GPC6: variants seen among roughly 807,000 people sequenced by gnomAD.
GPC6 encodes glypican-6.
Under a neutral mutation model 55.2 loss-of-function variants are expected in GPC6, and 14 were observed. That is an observed-to-expected ratio of 0.25 (90% confidence interval 0.17 to 0.40). The LOEUF (loss-of-function observed/expected upper bound fraction) is 0.40, where lower values mean the gene tolerates loss of function less well. Among genes scored for constraint, GPC6 ranks in the 10% least tolerant of loss-of-function variants. The pLI is 1.00. For missense variants in GPC6, 641 were observed against 708.5 expected (o/e 0.90, Z 1.08); for synonymous variants, 278 against 259.6 (o/e 1.07, Z -0.68).
At chr13:94,366,847 A>G (rs1030695829) in intron 6 of GPC6, among the ~76,000 whole-genome samples, 4 of 152,238 alleles carry the variant, frequency 2.6e-5, no homozygotes, top group African/African-American at 9.6e-5. Context: ...AGCATTTACC[A>G]GGGGCTAGGC....
At chr13:93,242,242 A>G (rs890181325) in intron 1 of GPC6, among the ~76,000 whole-genome samples, 11 of 152,186 alleles carry the variant, frequency 7.2e-5, no homozygotes, top group Admixed American at 3.9e-4. Flanking sequence ...GGGAGTTCCC[A>G]TGAAATGCAC....
chr13:93,270,720 C>CAAAA (rs35973627), intron 1 of GPC6, among the ~76,000 whole-genome samples: 2 of 127,986 alleles, frequency 1.6e-5, no homozygotes, highest in Non-Finnish European at 3.4e-5. Context: ...TTATTTTCCT[C>CAAAA]AAAAAAAAAA....
intron 3 of GPC6, among the ~76,000 whole-genome samples, chr13:93,907,789 A>G (rs1876751066): frequency 6.6e-6 from 1 of 152,102 alleles, no homozygotes; most frequent in Admixed American, 6.6e-5. Context: ...TTAAGAAACA[A>G]TTTGCTGTTT....
At chr13:93,307,193 A>T (rs1460772226) in intron 1 of GPC6, among the ~76,000 whole-genome samples, 1 of 152,200 alleles carries the variant, frequency 6.6e-6, no homozygotes, top group African/African-American at 2.4e-5. Flanking sequence ...ATTTTTAACA[A>T]GATGTTGCAT....
chr13:93,965,494 G>A (rs1880000715), intron 3 of GPC6, among the ~76,000 whole-genome samples: 1 of 152,090 alleles, frequency 6.6e-6, no homozygotes, highest in Non-Finnish European at 1.5e-5. Context: ...TCTTTTATTT[G>A]GGTTGACCTT....
intron 2 of GPC6, among the ~76,000 whole-genome samples, chr13:93,681,239 A>G (rs1321741176): frequency 9.2e-5 from 14 of 152,200 alleles, no homozygotes; most frequent in Admixed American, 9.2e-4. Flanking sequence ...CAATTCCAGA[A>G]GTAGAAGTTC....
chr13:94,312,340 A>T (rs1214927733), intron 6 of GPC6, among the ~76,000 whole-genome samples: 1 of 152,230 alleles, frequency 6.6e-6, no homozygotes, highest in Admixed American at 6.5e-5. Flanking sequence ...AATTGTTCTG[A>T]AACAAAATGG....
chr13:93,514,347 A>G (rs1010231535), intron 1 of GPC6, among the ~76,000 whole-genome samples: 1 of 152,142 alleles, frequency 6.6e-6, no homozygotes, highest in Non-Finnish European at 1.5e-5. Flanking sequence ...TTTGCGGTCT[A>G]TTTTACCTTT....
chr13:93,919,630 A>G (rs1877469254), intron 3 of GPC6, among the ~76,000 whole-genome samples: 1 of 152,208 alleles, frequency 6.6e-6, no homozygotes, highest in Non-Finnish European at 1.5e-5. Context: ...TGATTAATGA[A>G]CCTGGGAGTT....
intron 2 of GPC6, among the ~76,000 whole-genome samples, chr13:93,629,316 A>G (rs1391066930): frequency 6.6e-6 from 1 of 152,106 alleles, no homozygotes; most frequent in Non-Finnish European, 1.5e-5. Flanking sequence ...GTGGCCTGTT[A>G]TATCTAGTAG....
chr13:94,080,967 T>A (rs1566377187), intron 4 of GPC6, among the ~76,000 whole-genome samples: 1 of 152,166 alleles, frequency 6.6e-6, no homozygotes, highest in South Asian at 2.1e-4. Flanking sequence ...TTTAGAGTCT[T>A]CTGATGAACC....
chr13:94,318,334 C>T (rs1361857532), intron 6 of GPC6, among the ~76,000 whole-genome samples: 1 of 152,138 alleles, frequency 6.6e-6, no homozygotes, highest in African/African-American at 2.4e-5. Context: ...TGCCTGAAAC[C>T]ACCCATAGTA....
At chr13:93,537,203 G>C (rs1882096696) in intron 1 of GPC6, among the ~76,000 whole-genome samples, 1 of 152,126 alleles carries the variant, frequency 6.6e-6, no homozygotes, top group African/African-American at 2.4e-5. Flanking sequence ...ATCAGACATA[G>C]CTTAGGGACA....
In GPC6 at chr13:93,228,554, G is replaced by T. The variant is rs143469587; in HGVS notation, c.160+938G>T. 3.1e-3 allele frequency among the ~76,000 whole-genome samples: 469 copies of T among 152,294 alleles called. 4 individuals are homozygous for T. Among genetic ancestry groups the T allele is most frequent in the African/African-American group, 0.01 (435 of 41,576 alleles). ...TCCGACAACTTGCGCGGCAGTCTGGGTGCTTGTTTTCCGGCTCTTAGCTCC... is the reference window on the plus strand; with the variant it reads ...TCCGACAACTTGCGCGGCAGTCTGGTTGCTTGTTTTCCGGCTCTTAGCTCC... On this transcript the variant is annotated intron_variant, in intron 1 of 8. Transcript: ENST00000377047.
intron 3 of GPC6, among the ~76,000 whole-genome samples, chr13:93,904,454 T>G (rs1347132655): frequency 6.6e-6 from 1 of 152,198 alleles, no homozygotes; most frequent in Non-Finnish European, 1.5e-5. Flanking sequence ...TGTGCAATGA[T>G]AGCCTGTTAT....
At chr13:93,732,749 C>CAAT (rs1356470319) in intron 2 of GPC6, among the ~76,000 whole-genome samples, 10 of 151,874 alleles carry the variant, frequency 6.6e-5, no homozygotes, top group African/African-American at 2.4e-4. Flanking sequence ...CAGTGCTGTC[C>CAAT]AATACAGATA....
intron 4 of GPC6, among the ~76,000 whole-genome samples, chr13:94,092,396 C>T (rs1885522174): frequency 6.6e-6 from 1 of 152,034 alleles, no homozygotes; most frequent in African/African-American, 2.4e-5. Flanking sequence ...GTATTTGTCT[C>T]TCTGTGCTTG....
chr13:93,660,676 A>G (rs1025613748), intron 2 of GPC6, among the ~76,000 whole-genome samples: 1 of 152,182 alleles, frequency 6.6e-6, no homozygotes, highest in Non-Finnish European at 1.5e-5. Flanking sequence ...GTTCTTCTTT[A>G]GAGTTGTCTC....
chr13:93,557,818 A>G (rs1485935940), intron 2 of GPC6, among the ~76,000 whole-genome samples: 5 of 152,196 alleles, frequency 3.3e-5, no homozygotes, highest in Admixed American at 2.6e-4. Context: ...TTTTTAAATT[A>G]CTAGCCACAT....
Sources: allele counts gnomAD v4.1 joint callset (sites outside exome capture counted in the v4.1 genomes callset), GRCh38; gene constraint gnomAD v4.1.1; transcripts MANE v1.5; gene names NCBI Gene and HGNC (gene_info 2026-07-23, HGNC 2026-07-21).